CDS1: variants seen among roughly 807,000 people sequenced by gnomAD.
The protein encoded by CDS1 is CDP-diacylglycerol synthase 1, also known as phosphatidate cytidylyltransferase 1.
In CDS1, 41 loss-of-function variants were observed where a neutral mutation model predicts 62.1. The ratio of observed to expected loss-of-function variants is 0.66; its 90% confidence interval spans 0.51 to 0.86. The LOEUF is 0.86. Ranked by LOEUF, CDS1 falls within the 40% of genes least tolerant of loss-of-function variation. The pLI is 0.00. For missense variants in CDS1, 470 were observed against 550.1 expected (o/e 0.85, Z 1.46); for synonymous variants, 185 against 192.6 (o/e 0.96, Z 0.32).
At chr4:84,600,896 C>T (rs578063168) in intron 1 of CDS1, among the ~76,000 whole-genome samples, 6 of 152,170 alleles carry the variant, frequency 3.9e-5, no homozygotes, top group South Asian at 2.1e-4. Flanking sequence ...AGGCTGGGCA[C>T]GGTGGCTCAC....
intron 1 of CDS1, among the ~76,000 whole-genome samples, chr4:84,597,237 C>T (rs945116731): frequency 6.6e-6 from 1 of 151,982 alleles, no homozygotes; most frequent in Non-Finnish European, 1.5e-5. Flanking sequence ...GAGTCTTTCC[C>T]TTTGCAGTTC....
At chr4:84,617,910 G>C (rs1212391627) in intron 4 of CDS1, among the ~76,000 whole-genome samples, 1 of 151,558 alleles carries the variant, frequency 6.6e-6, no homozygotes, top group African/African-American at 2.4e-5. Flanking sequence ...CACCATTCTT[G>C]TCCTTTTTTT....
At chr4:84,593,106 A>T (rs1722641503) in intron 1 of CDS1, among the ~76,000 whole-genome samples, 1 of 152,200 alleles carries the variant, frequency 6.6e-6, no homozygotes, top group African/African-American at 2.4e-5. Context: ...CTATGCTTGT[A>T]CTTGAACCGT....
rs1560481535 is a variant in CDS1 at position 84,635,620 on chromosome 4, TGCCTG to T, written c.810+270_810+274del. The stretch of plus-strand genomic sequence containing the variant: ...CTGCCTGCCTGCCTGCCTGCCTGCC[TGCCTG>T]CCTTCCTTCCTTCCTTCCTTCCTTC... On this transcript the variant is annotated intron_variant, in intron 8 of 12. Transcript: ENST00000295887. Among the ~76,000 whole-genome samples, 539 of 106,420 alleles carry T rather than the reference TGCCTG, an allele frequency of 5.1e-3. 7 individuals are homozygous for T. Among genetic ancestry groups the T allele is most frequent in the African/African-American group, 0.018 (504 of 27,772 alleles). 69.8% of individuals were successfully genotyped at this position (106,420 alleles called of 152,430 possible).
intron 10 of CDS1, 146 bp downstream of exon 10, chr4:84,641,136 C>T (rs1724371290): frequency 2.0e-6 from 1 of 494,234 alleles, no homozygotes. Flanking sequence ...AGTGTAGTGG[C>T]GTAATCTCAA....
chr4:84,604,608 G>A (rs113025280), intron 2 of CDS1, among the ~76,000 whole-genome samples: 5,768 of 152,284 alleles, frequency 0.038, 133 homozygotes, highest in South Asian at 0.052. Flanking sequence ...TACAGAGCTA[G>A]TAAGATATAG....
intron 5 of CDS1, among the ~76,000 whole-genome samples, chr4:84,620,221 T>A (rs1011541654): frequency 9.4e-6 from 1 of 106,734 alleles, no homozygotes; most frequent in Non-Finnish European, 1.7e-5. Context: ...AATTAGTTGT[T>A]TTTTTTTTTT....
intron 8 of CDS1, among the ~76,000 whole-genome samples, chr4:84,635,670 CCTTCCTTCCT>C: frequency 7.7e-6 from 1 of 129,328 alleles, no homozygotes; most frequent in African/African-American, 3.1e-5. Context: ...TTCCTTCCTT[CCTTCCTTCCT>C]TCCTTCCTTC....
intron 11 of CDS1, among the ~76,000 whole-genome samples, chr4:84,644,482 C>T (rs367754578): frequency 1.3e-5 from 2 of 152,094 alleles, no homozygotes; most frequent in South Asian, 4.1e-4. Flanking sequence ...GGTCTCCAAT[C>T]CAAGATTTTT....
rs1722308447 is a variant in CDS1 at position 84,583,338 on chromosome 4, C to T, written c.-64C>T. On this transcript the variant is annotated 5_prime_UTR_variant, in exon 1 of 13. Coordinates refer to ENST00000295887, the MANE Select transcript of CDS1 (RefSeq NM_001263.4). ...GTGGCGGGGCGCCCCGCCTGCAGAA[C>T]CCTGCTTGCAGCTCAGGTTTCGGGG... is the stretch of plus-strand genomic sequence containing the variant. The T allele has an allele frequency of 3.2e-6, 4 of 1,244,336 alleles. No individual in the cohort carries two copies. Among genetic ancestry groups the T allele is most frequent in the South Asian group, 1.2e-5 (1 of 80,944 alleles). The allele number at this position is 1,244,336 out of a possible 1,614,324, so 77.1% of individuals were successfully genotyped here.
At chr4:84,592,259 G>A (rs1316042377) in intron 1 of CDS1, among the ~76,000 whole-genome samples, 4 of 126,878 alleles carry the variant, frequency 3.2e-5, no homozygotes, top group East Asian at 2.7e-4. Flanking sequence ...CGCCTCCCCC[G>A]CTCCCCGTTT....
At chr4:84,608,058 A>G (rs1330235126) in intron 2 of CDS1, among the ~76,000 whole-genome samples, 2 of 152,184 alleles carry the variant, frequency 1.3e-5, no homozygotes, top group Non-Finnish European at 2.9e-5. Flanking sequence ...GCGGTCGGGC[A>G]TGCCAGGCCC....
intron 2 of CDS1, among the ~76,000 whole-genome samples, chr4:84,607,334 A>C (rs1723157603): frequency 6.6e-6 from 1 of 151,538 alleles, no homozygotes; most frequent in Non-Finnish European, 1.5e-5. Flanking sequence ...CCCAGGCTGG[A>C]GTGCAGTGGC....
At position 84,635,295 on chromosome 4, in the gene CDS1, A is replaced by C; in HGVS notation, c.754A>C (p.Asn252His). 6.3e-7 allele frequency: 1 copy of C among 1,581,924 alleles called. No homozygotes were observed. Among genetic ancestry groups the C allele is most frequent in the Non-Finnish European group, 8.6e-7 (1 of 1,161,932 alleles). The change falls in exon 8 of 13, where the codon AAT (asparagine) becomes CAT (histidine). Residue 252 changes from asparagine (N) to histidine (H), a missense_variant. Transcript: ENST00000295887. ...FLVPISSVIC[N>H]DITAYLFGFF... Reference sequence around the variant, plus strand: ...TGTTCCAATATCAAGTGTTATCTGCAATGACATAACTGCTTACCTTTTTGG... The same window carrying C: ...TGTTCCAATATCAAGTGTTATCTGCCATGACATAACTGCTTACCTTTTTGG...
At chr4:84,617,503 A>G (rs1723533994) in intron 3 of CDS1, 61 bp from the exon 4 acceptor site, 1 of 845,866 alleles carries the variant, frequency 1.2e-6, no homozygotes, top group East Asian at 2.5e-5. Flanking sequence ...TGCTTTATTG[A>G]ATGATTAAGC....
At chr4:84,606,648 A>C (rs567929047) in intron 2 of CDS1, among the ~76,000 whole-genome samples, 3 of 152,260 alleles carry the variant, frequency 2.0e-5, no homozygotes, top group South Asian at 4.1e-4. Flanking sequence ...ATAAAGTCCT[A>C]AAAGGGAAAT....
At chr4:84,595,058 T>G (rs1293835158) in intron 1 of CDS1, among the ~76,000 whole-genome samples, 1 of 152,034 alleles carries the variant, frequency 6.6e-6, no homozygotes, top group African/African-American at 2.4e-5. Context: ...ATCAGTCTGG[T>G]GATGGTCAGT....
At chr4:84,594,807 C>T (rs1216033274) in intron 1 of CDS1, among the ~76,000 whole-genome samples, 1 of 152,132 alleles carries the variant, frequency 6.6e-6, no homozygotes, top group Non-Finnish European at 1.5e-5. Flanking sequence ...GGCTCAACTT[C>T]CCAAGCTCAA....
At chr4:84,610,133 T>C (rs1414516595) in intron 3 of CDS1, among the ~76,000 whole-genome samples, 3 of 152,092 alleles carry the variant, frequency 2.0e-5, no homozygotes, top group Admixed American at 1.3e-4. Context: ...TATGAATAAA[T>C]AGCATGATAA....
Sources: gnomAD v4.1 joint callset for allele counts (sites outside exome capture counted in the v4.1 genomes callset) on GRCh38, gnomAD v4.1.1 for gene constraint, MANE v1.5 for transcripts, NCBI Gene and HGNC (gene_info 2026-07-23, HGNC 2026-07-21) for gene names.